The following ELOVL2 variants were observed in gnomAD, a reference collection of about 807,000 sequenced individuals.
The protein encoded by ELOVL2 is very long chain fatty acid elongase 2.
Under a neutral mutation model 37.7 loss-of-function variants are expected in ELOVL2, and 38 were observed. The ratio of observed to expected loss-of-function variants is 1.01; its 90% CI spans 0.78 to 1.32. The LOEUF (loss-of-function observed/expected upper bound fraction) is 1.32, where lower values mean the gene tolerates loss of function less well. ELOVL2 is among the 40% of genes most tolerant of loss of function. The probability of loss-of-function intolerance (pLI) is 0.00; values close to 1 mark genes in which losing one functional copy is unlikely to be tolerated. For missense variants in ELOVL2, 352 were observed against 363.6 expected (o/e 0.97, Z 0.26); for synonymous variants, 115 against 122.3 (o/e 0.94, Z 0.40).
In ELOVL2 at chr6:11,011,618, C is replaced by T. The variant is rs547449489; in HGVS notation, c.4-809G>A. Reference sequence around the variant, plus strand: ...GTAGGACTGTTTTTCAAGTAAGGAGCATTACAGCTATTTTTTCTATTTATG... The same window carrying T: ...GTAGGACTGTTTTTCAAGTAAGGAGTATTACAGCTATTTTTTCTATTTATG... On this transcript the variant is annotated intron_variant, in intron 1 of 7. Transcript: ENST00000354666. Among the ~76,000 whole-genome samples the T allele has an allele frequency of 1.6e-4, 25 of 152,318 alleles. 1 individual carries two copies. In the South Asian group the frequency reaches 5.0e-3, roughly 30 times the overall value.
At chr6:11,011,569 G>A (rs750351254) in intron 1 of ELOVL2, among the ~76,000 whole-genome samples, 12 of 152,060 alleles carry the variant, frequency 7.9e-5, no homozygotes, top group African/African-American at 1.7e-4. Context: ...ACTGTATTTC[G>A]TAAAACTGAA....
At position 11,028,641 on chromosome 6, in the gene ELOVL2, A is replaced by C. The variant is rs1274997546; in HGVS notation, c.3+15587T>G. Among the ~76,000 whole-genome samples, 4 of 148,796 alleles carry C rather than the reference A, an allele frequency of 2.7e-5. No homozygotes were observed. In the East Asian group the frequency reaches 7.7e-4, roughly 29 times the overall value. The stretch of plus-strand genomic sequence containing the variant: ...ATGTATCAAGAATTTTCTAATTGCC[A>C]GTTCAGAGTTGCCCCCCATCACTGA... On this transcript the variant is annotated intron_variant, in intron 1 of 7. Transcript: ENST00000354666.
Position 10,989,710 on chromosome 6 carries a change from T to C in ELOVL2, c.758A>G (p.Tyr253Cys). 1 of 1,613,242 alleles carries C rather than the reference T, an allele frequency of 6.2e-7. No individual in the cohort carries two copies. Among genetic ancestry groups the C allele is most frequent in the Non-Finnish European group, 8.5e-7 (1 of 1,179,646 alleles). The change falls in exon 7 of 8, where the codon TAC becomes TGC. Residue 253 changes from tyrosine to cysteine, a missense_variant. By Grantham distance (194) the Tyr-to-Cys change is radical. Coordinates refer to ENST00000354666, the MANE Select transcript of ELOVL2 (RefSeq NM_017770.4). ...TATTTACATTCCACGTACCTGAACG[T>C]AAAAATTTAAGAAGAGGATGACTAA... is the stretch of plus-strand genomic sequence containing the variant. ...LTLVILFLNF[Y>C]VQTYRKKPMK... is the part of the protein sequence containing the mutation.
intron 1 of ELOVL2, among the ~76,000 whole-genome samples, chr6:11,025,342 A>G (rs1415453894): frequency 6.6e-6 from 1 of 152,226 alleles, no homozygotes; most frequent in African/African-American, 2.4e-5. Context: ...TTTTAGCTTC[A>G]TATATGGCGC....
intron 7 of ELOVL2, among the ~76,000 whole-genome samples, chr6:10,988,339 C>T (rs1038150351): frequency 1.3e-5 from 2 of 152,172 alleles, no homozygotes; most frequent in Non-Finnish European, 2.9e-5. Flanking sequence ...CCAAGGTGGG[C>T]GGATCACCTG....
rs1317285728 is a variant in ELOVL2, at chr6:10,981,571, C to T, written c.*2210G>A. 2 of 152,624 alleles carry T rather than the reference C, an allele frequency of 1.3e-5. No homozygotes were observed. Among genetic ancestry groups the T allele is most frequent in the African/African-American group, 2.4e-5 (1 of 41,448 alleles). The allele number at this position is 152,624 out of a possible 1,614,324, so 9.5% of individuals were successfully genotyped here. A position where few individuals can be genotyped will look rare whatever the true frequency, so the allele number is the denominator to read the frequency against. ...TTAGTTTGAAAGTATAAGCTACCCACATTTTTCACTTTCATCAGAGAGGTT... is the reference window on the plus strand; with the variant it reads ...TTAGTTTGAAAGTATAAGCTACCCATATTTTTCACTTTCATCAGAGAGGTT... On this transcript the variant is annotated 3_prime_UTR_variant, in exon 8 of 8. Transcript: ENST00000354666.
At position 11,034,406 on chromosome 6, in the gene ELOVL2, G is replaced by A. The variant is rs1030457356; in HGVS notation, c.3+9822C>T. On this transcript the variant is annotated intron_variant, in intron 1 of 7. Coordinates refer to ENST00000354666, the MANE Select transcript of ELOVL2 (RefSeq NM_017770.4). ...CACATTTAAAAAACACTTACTGCCG[G>A]GCATGGTGGCTCACGCCTGTAATCC... 4.7e-5 allele frequency among the ~76,000 whole-genome samples: 7 copies of A among 148,802 alleles called. 2 individuals carry two copies. Among genetic ancestry groups the A allele is most frequent in the Admixed American group, 1.3e-4 (2 of 14,842 alleles).
At chr6:10,990,673 C>CA (rs5874300) in intron 5 of ELOVL2, among the ~76,000 whole-genome samples, 36 of 150,570 alleles carry the variant, frequency 2.4e-4, no homozygotes, top group Non-Finnish European at 3.8e-4. Context: ...GAATGCCCCC[C>CA]CCCCGCCACA....
chr6:10,995,279 GTTTC>G lies in ELOVL2; in HGVS notation c.334-105_334-102del, dbSNP rs1264487621. 11 of 901,220 alleles carry G rather than the reference GTTTC, an allele frequency of 1.2e-5. No individual in the cohort carries two copies. In the East Asian group the frequency reaches 2.6e-4, roughly 21 times the overall value. 55.8% of individuals were successfully genotyped at this position (901,220 alleles called of 1,614,324 possible). ...TGCCTGCTGCCTGTGGTTTCCTGCT[GTTTC>G]TTTCTCACTGCTGAAAAGGCAGCTC... On this transcript the variant is annotated intron_variant, in intron 4 of 7. Transcript: ENST00000354666.
chr6:11,044,113 C>G lies in ELOVL2; in HGVS notation c.3+115G>C, dbSNP rs1354852707. On this transcript the variant is annotated intron_variant, in intron 1 of 7. Coordinates refer to ENST00000354666, the MANE Select transcript of ELOVL2 (RefSeq NM_017770.4). This position sits in a 1 kb window ranked among gnomAD's most constrained non-coding sequence, Gnocchi z 5.6. ...CCCCTCCGAGGGTAGCGGGTTCCAG[C>G]GGCGAACCCGCAGCGCCCGCGCCGG... 21 of 1,274,676 alleles carry G rather than the reference C, an allele frequency of 1.6e-5. No homozygotes were observed. Among genetic ancestry groups the G allele is most frequent in the Admixed American group, 3.8e-5 (1 of 26,060 alleles). The allele number at this position is 1,274,676 out of a possible 1,614,324, so 79.0% of individuals were successfully genotyped here.
At chr6:11,015,147 A>G (rs1443608389) in intron 1 of ELOVL2, among the ~76,000 whole-genome samples, 1 of 152,204 alleles carries the variant, frequency 6.6e-6, no homozygotes, top group African/African-American at 2.4e-5. Flanking sequence ...ATGAAATTCT[A>G]GAAAATATAA....
intron 1 of ELOVL2, among the ~76,000 whole-genome samples, chr6:11,017,170 T>A (rs542833189): frequency 1.3e-5 from 2 of 152,202 alleles, no homozygotes; most frequent in Non-Finnish European, 1.5e-5. Flanking sequence ...CTAACCCTCA[T>A]GGGGAGTAAT....
chr6:10,994,699 T>C (rs1294959399), intron 5 of ELOVL2, among the ~76,000 whole-genome samples: 1 of 151,852 alleles, frequency 6.6e-6, no homozygotes, highest in Admixed American at 6.6e-5. Context: ...TCCACAGGAG[T>C]CAAAACAGCG....
At chr6:11,005,689 T>C in intron 2 of ELOVL2, 130 bp from the exon 3 acceptor site, 8 of 744,046 alleles carry the variant, frequency 1.1e-5, no homozygotes, top group Non-Finnish European at 1.7e-5. Flanking sequence ...TTAGGTAGGC[T>C]GGCCTGGGTT....
chr6:11,035,909 TG>T (rs893458717), intron 1 of ELOVL2, among the ~76,000 whole-genome samples: 1 of 152,230 alleles, frequency 6.6e-6, no homozygotes, highest in African/African-American at 2.4e-5. Flanking sequence ...ACGTGCTGAA[TG>T]AATGAACAAT....
chr6:10,987,376 C>T (rs1328101013), intron 7 of ELOVL2, among the ~76,000 whole-genome samples: 2 of 152,026 alleles, frequency 1.3e-5, no homozygotes, highest in African/African-American at 2.4e-5. Context: ...TTAGTTATTT[C>T]TTGCCTTCTG....
intron 1 of ELOVL2, chr6:11,043,636 A>G (rs1783148439): frequency 6.5e-6 from 1 of 153,288 alleles, no homozygotes. Flanking sequence ...TTCCCAAGCC[A>G]ATCTGCAAAC....
At chr6:11,013,217 T>C (rs186737522) in intron 1 of ELOVL2, among the ~76,000 whole-genome samples, 8 of 152,340 alleles carry the variant, frequency 5.3e-5, no homozygotes, top group Non-Finnish European at 1.5e-5. Context: ...AAAAATTCTC[T>C]CTTTATTTCT....
chr6:11,011,184 G>A (rs1352862271), intron 1 of ELOVL2, among the ~76,000 whole-genome samples: 2 of 151,920 alleles, frequency 1.3e-5, no homozygotes, highest in Non-Finnish European at 2.9e-5. Context: ...CTAACATGGT[G>A]AAACCCCATC....
Sources: allele counts gnomAD v4.1 joint callset (sites outside exome capture counted in the v4.1 genomes callset), GRCh38; gene constraint gnomAD v4.1.1; non-coding constraint Gnocchi (gnomAD v3.1); transcripts MANE v1.5; gene names NCBI Gene and HGNC (gene_info 2026-07-23, HGNC 2026-07-21).